Variants in CNTN1 observed in about 807,000 individuals in gnomAD.
CNTN1 encodes the protein contactin-1.
In CNTN1, 38 loss-of-function variants were observed where a neutral mutation model predicts 126.4. The ratio of observed to expected loss-of-function variants is 0.30; its 90% CI spans 0.23 to 0.39. The LOEUF is 0.39. Ranked by LOEUF, CNTN1 falls within the 10% of genes least tolerant of loss-of-function variation. The pLI is 1.00. For synonymous variants in CNTN1, 413 were observed against 422.6 expected, an observed-to-expected ratio of 0.98 and a Z score of 0.28; for missense variants, 1,009 against 1,248.4, an observed-to-expected ratio of 0.81 and a Z score of 2.89.
intron 1 of CNTN1, among the ~76,000 whole-genome samples, chr12:40,748,902 G>A (rs190812755): frequency 1.6e-4 from 24 of 152,094 alleles, no homozygotes; most frequent in Admixed American, 5.9e-4. Flanking sequence ...TTTTAAGTGC[G>A]ATATATATTT....
chr12:40,912,644 A>T (rs1349714747), intron 3 of CNTN1, among the ~76,000 whole-genome samples: 2 of 152,156 alleles, frequency 1.3e-5, no homozygotes, highest in Non-Finnish European at 2.9e-5. Context: ...TAAAAAAAAA[A>T]ACTATCTTCA....
chr12:40,826,217 C>A (rs1941609238), intron 1 of CNTN1, among the ~76,000 whole-genome samples: 1 of 151,946 alleles, frequency 6.6e-6, no homozygotes, highest in Non-Finnish European at 1.5e-5. Context: ...ATTCAAATTT[C>A]TATTTATAAA....
chr12:40,959,789 C>T (rs979239527), intron 15 of CNTN1, among the ~76,000 whole-genome samples: 1 of 151,936 alleles, frequency 6.6e-6, no homozygotes, highest in African/African-American at 2.4e-5. Flanking sequence ...TGCTACTGGC[C>T]GCTGCCATAG....
chr12:40,695,137 G>T (rs1255752709), intron 1 of CNTN1, among the ~76,000 whole-genome samples: 3 of 152,272 alleles, frequency 2.0e-5, no homozygotes, highest in Middle Eastern at 3.4e-3. Flanking sequence ...TGCAGAAAAA[G>T]ACTACACTTA....
intron 1 of CNTN1, among the ~76,000 whole-genome samples, chr12:40,695,154 T>C (rs931624518): frequency 3.3e-5 from 5 of 152,210 alleles, no homozygotes; most frequent in African/African-American, 1.2e-4. Flanking sequence ...CTTATAATCT[T>C]TTTGTATACC....
intron 4 of CNTN1, 130 bp downstream of exon 4, chr12:40,918,901 A>C (rs1351446000): frequency 1.8e-6 from 2 of 1,112,372 alleles, no homozygotes; most frequent in African/African-American, 1.6e-5. Flanking sequence ...AAATATTGGC[A>C]TACAAACTAT....
chr12:40,700,298 C>G (rs977219541), intron 1 of CNTN1, among the ~76,000 whole-genome samples: 1 of 151,890 alleles, frequency 6.6e-6, no homozygotes, highest in East Asian at 1.9e-4. Flanking sequence ...GAGGACGAGG[C>G]GGGCAGATCA....
chr12:40,696,130 A>G (rs968757492), intron 1 of CNTN1, among the ~76,000 whole-genome samples: 3 of 152,212 alleles, frequency 2.0e-5, no homozygotes, highest in Non-Finnish European at 2.9e-5. Flanking sequence ...CATGGTAATT[A>G]CTCATAAAGA....
intron 1 of CNTN1, among the ~76,000 whole-genome samples, chr12:40,697,999 A>G (rs978198068): frequency 1.8e-4 from 27 of 152,144 alleles, no homozygotes; most frequent in African/African-American, 6.3e-4. Context: ...TCAGTAGATA[A>G]TTTTTCACTC....
intron 23 of CNTN1, among the ~76,000 whole-genome samples, chr12:41,062,448 A>C (rs1367048720): frequency 6.6e-6 from 1 of 152,202 alleles, no homozygotes; most frequent in Non-Finnish European, 1.5e-5. Context: ...TTTACATCTC[A>C]ACTCTAGTCT....
At chr12:40,787,034 C>T (rs898766894) in intron 1 of CNTN1, among the ~76,000 whole-genome samples, 4 of 151,980 alleles carry the variant, frequency 2.6e-5, no homozygotes, top group African/African-American at 7.2e-5. Flanking sequence ...CTATGATGTT[C>T]GTTATAGGCC....
At chr12:40,982,623 T>C (rs775955321) in intron 16 of CNTN1, among the ~76,000 whole-genome samples, 39 of 152,152 alleles carry the variant, frequency 2.6e-4, no homozygotes, top group Non-Finnish European at 5.0e-4. Context: ...TCATTAAACA[T>C]GTTTATTGAG....
chr12:40,813,044 TTTC>T (rs767735674), intron 1 of CNTN1, among the ~76,000 whole-genome samples: 22 of 123,964 alleles, frequency 1.8e-4, no homozygotes, highest in Non-Finnish European at 1.4e-4. Flanking sequence ...CTTTCCTTTC[TTTC>T]TTTCTTTCTT....
intron 1 of CNTN1, among the ~76,000 whole-genome samples, chr12:40,777,554 CT>C (rs1565721432): frequency 6.6e-6 from 1 of 151,672 alleles, no homozygotes; most frequent in Non-Finnish European, 1.5e-5. Context: ...AAAAAGATTC[CT>C]TCTGTAATAT....
At chr12:40,705,697 C>G (rs958316627) in intron 1 of CNTN1, among the ~76,000 whole-genome samples, 1 of 152,044 alleles carries the variant, frequency 6.6e-6, no homozygotes, top group African/African-American at 2.4e-5. Flanking sequence ...ATTGCTATAA[C>G]AAAATACCTG....
intron 1 of CNTN1, among the ~76,000 whole-genome samples, chr12:40,785,924 C>T (rs966954373): frequency 2.6e-5 from 4 of 152,086 alleles, no homozygotes; most frequent in African/African-American, 9.7e-5. Flanking sequence ...AGCCAATCAC[C>T]TTGACCTGGC....
At chr12:40,968,379 A>G (rs1270088155) in intron 15 of CNTN1, among the ~76,000 whole-genome samples, 3 of 152,144 alleles carry the variant, frequency 2.0e-5, no homozygotes, top group Non-Finnish European at 2.9e-5. Context: ...GCCTATTACA[A>G]GGGAAACTAT....
intron 14 of CNTN1, among the ~76,000 whole-genome samples, chr12:40,947,180 A>G (rs893185488): frequency 6.6e-6 from 1 of 152,048 alleles, no homozygotes; most frequent in Non-Finnish European, 1.5e-5. Context: ...CTGATTATAG[A>G]AAAACACTAA....
rs532611254 is a variant in CNTN1, at chr12:40,815,205, G to A, written c.-76-93152G>A. ...CTGTGAAGAATGTCAATGGTAGTTT[G>A]ATGGGAATAGCATTGAATCTATAAA... On this transcript the variant is annotated intron_variant, in intron 1 of 23. Transcript: ENST00000551295. Among the ~76,000 whole-genome samples the A allele has an allele frequency of 2.8e-3, 426 of 152,248 alleles. 2 individuals carry two copies. Among genetic ancestry groups the A allele is most frequent in the Non-Finnish European group, 4.1e-3 (280 of 68,002 alleles).
Sources: gnomAD v4.1 joint callset for allele counts (sites outside exome capture counted in the v4.1 genomes callset) on GRCh38, gnomAD v4.1.1 for gene constraint, MANE v1.5 for transcripts, NCBI Gene and HGNC (gene_info 2026-07-23, HGNC 2026-07-21) for gene names.